The following PIAS1 variants were observed in gnomAD, a reference collection of about 807,000 sequenced individuals.
The protein encoded by PIAS1 is protein inhibitor of activated STAT 1, also known as E3 SUMO-protein ligase PIAS1.
In PIAS1, 6 loss-of-function variants were observed where a neutral mutation model predicts 71.3. That is an observed-to-expected ratio of 0.08 (90% confidence interval 0.05 to 0.17). The LOEUF is 0.17. Among genes scored for constraint, PIAS1 ranks in the 10% least tolerant of loss-of-function variants. The pLI is 1.00. For missense variants in PIAS1, 555 were observed against 793.6 expected (o/e 0.70, Z 3.61); for synonymous variants, 303 against 292.9 (o/e 1.03, Z -0.35).
chr15:68,062,702 T>C (rs903862037), intron 1 of PIAS1, among the ~76,000 whole-genome samples: 4 of 152,236 alleles, frequency 2.6e-5, no homozygotes, highest in Admixed American at 2.6e-4. Context: ...CTGTATAATA[T>C]TTTTAATTTA....
intron 1 of PIAS1, among the ~76,000 whole-genome samples, chr15:68,063,895 C>T (rs564902269): frequency 1.6e-5 from 2 of 128,440 alleles, no homozygotes; most frequent in East Asian, 4.5e-4. Flanking sequence ...TTCTTCATCA[C>T]TGTGCACTTG....
In PIAS1 at chr15:68,119,237, C is replaced by CAAAAAAAAAAAAAAAAAAAAA. The variant is rs60879036; in HGVS notation, c.470-22702_470-22682dup. ...CAACATGGTGAAACCCCATCTCTAC[C>CAAAAAAAAAAAAAAAAAAAAA]AAAAAAAAAAAAAAAAAAAAAAAAA... On this transcript the variant is annotated intron_variant, in intron 2 of 13. Coordinates refer to ENST00000249636, the MANE Select transcript of PIAS1 (RefSeq NM_016166.3). 7.3e-5 allele frequency among the ~76,000 whole-genome samples: 2 copies of CAAAAAAAAAAAAAAAAAAAAA among 27,408 alleles called. 1 individual carries two copies. The highest frequency in any genetic ancestry group is 2.9e-4 in the African/African-American group (2 of 6,904). 18.0% of individuals were successfully genotyped at this position (27,408 alleles called of 152,430 possible).
chr15:68,154,847 G>C (rs958431126), intron 7 of PIAS1, among the ~76,000 whole-genome samples: 4 of 152,172 alleles, frequency 2.6e-5, no homozygotes, highest in African/African-American at 9.7e-5. Context: ...TAAGAAGATG[G>C]TAGGGATCCT....
intron 6 of PIAS1, among the ~76,000 whole-genome samples, chr15:68,148,261 A>G (rs1235486883): frequency 2.6e-5 from 4 of 152,278 alleles, no homozygotes; most frequent in Admixed American, 6.5e-5. Context: ...AACTACCCAC[A>G]CAACAGCCCA....
chr15:68,067,499 GTTTCTC>G (rs2092042045), intron 1 of PIAS1, among the ~76,000 whole-genome samples: 1 of 151,246 alleles, frequency 6.6e-6, no homozygotes, highest in African/African-American at 2.4e-5. Flanking sequence ...CTGTCATTTT[GTTTCTC>G]TTTATGGGGG....
intron 1 of PIAS1, among the ~76,000 whole-genome samples, chr15:68,066,255 C>T (rs746311743): frequency 2.6e-4 from 40 of 151,700 alleles, no homozygotes; most frequent in African/African-American, 8.5e-4. Flanking sequence ...GAGTAGGATG[C>T]GCACCACTGT....
intron 2 of PIAS1, among the ~76,000 whole-genome samples, chr15:68,126,247 CA>C (rs1218630034): frequency 1.3e-5 from 2 of 152,048 alleles, no homozygotes; most frequent in Non-Finnish European, 2.9e-5. Flanking sequence ...CTCCTATTCC[CA>C]GACTAACCCT....
At chr15:68,077,593 C>G (rs1251100950) in intron 1 of PIAS1, among the ~76,000 whole-genome samples, 1 of 152,028 alleles carries the variant, frequency 6.6e-6, no homozygotes, top group Non-Finnish European at 1.5e-5. Flanking sequence ...GGCTGGGGGC[C>G]CAGTCAAGAA....
intron 12 of PIAS1, among the ~76,000 whole-genome samples, chr15:68,183,256 C>T (rs1264220804): frequency 6.6e-6 from 1 of 152,214 alleles, no homozygotes; most frequent in Non-Finnish European, 1.5e-5. Context: ...GAGGGCAAAA[C>T]TAATTACATA....
chr15:68,147,930 T>A (rs1003823896), intron 6 of PIAS1, among the ~76,000 whole-genome samples: 3 of 152,150 alleles, frequency 2.0e-5, no homozygotes, highest in Non-Finnish European at 1.5e-5. Flanking sequence ...TTTCATGATA[T>A]GAACTCATAT....
At position 68,089,393 on chromosome 15, in the gene PIAS1, C is replaced by T. The variant is rs190563269; in HGVS notation, c.469+2643C>T. 7.9e-5 allele frequency among the ~76,000 whole-genome samples: 12 copies of T among 152,232 alleles called. No individual in the cohort carries two copies. The East Asian group carries it at 2.1e-3, about 27-fold the overall frequency. On this transcript the variant is annotated intron_variant, in intron 2 of 13. Coordinates refer to ENST00000249636, the MANE Select transcript of PIAS1 (RefSeq NM_016166.3). ...TTTAATTTATTGTTTACTTTGGCCTCTCATTATCTCAATTCTGTTTGTTTC... is the reference window on the plus strand; with the variant it reads ...TTTAATTTATTGTTTACTTTGGCCTTTCATTATCTCAATTCTGTTTGTTTC...
intron 2 of PIAS1, among the ~76,000 whole-genome samples, chr15:68,090,667 T>A (rs888453535): frequency 2.0e-5 from 3 of 152,134 alleles, no homozygotes; most frequent in Admixed American, 6.6e-5. Context: ...TACCACACTC[T>A]GTAATTACAA....
chr15:68,123,942 A>G (rs1279565564), intron 2 of PIAS1, among the ~76,000 whole-genome samples: 1 of 151,474 alleles, frequency 6.6e-6, no homozygotes, highest in East Asian at 1.9e-4. Flanking sequence ...TGGACATAAT[A>G]TAAACCTAAA....
chr15:68,088,380 AAT>A (rs1473949661), intron 2 of PIAS1, among the ~76,000 whole-genome samples: 1 of 151,700 alleles, frequency 6.6e-6, no homozygotes, highest in African/African-American at 2.4e-5. Flanking sequence ...TATATTCGCA[AAT>A]TCAGTGTTTG....
chr15:68,187,943 G>T lies in PIAS1; in HGVS notation c.*108G>T. The T allele has an allele frequency of 9.6e-7, 1 of 1,041,410 alleles. No individual in the cohort carries two copies. Among genetic ancestry groups the T allele is most frequent in the Admixed American group, 2.9e-5 (1 of 34,640 alleles). The allele number at this position is 1,041,410 out of a possible 1,614,324, so 64.5% of individuals were successfully genotyped here. ...TTACTCTGTTTAGAAAAGTATACAA[G>T]CGTGTTTTTTTTCCTTTTTTTAGGG... On this transcript the variant is annotated 3_prime_UTR_variant, in exon 14 of 14. Transcript: ENST00000249636. The surrounding 1 kb of genome is among the most constrained non-coding windows in gnomAD (Gnocchi z 5.3).
chr15:68,161,493 T>A (rs1164584728), intron 7 of PIAS1, among the ~76,000 whole-genome samples: 1 of 152,008 alleles, frequency 6.6e-6, no homozygotes, highest in Admixed American at 6.5e-5. Context: ...CATAGGTTTT[T>A]TTTTTTTTTT....
At chr15:68,162,684 G>T (rs2092932306) in intron 7 of PIAS1, among the ~76,000 whole-genome samples, 1 of 152,192 alleles carries the variant, frequency 6.6e-6, no homozygotes, top group Admixed American at 6.5e-5. Context: ...GCCTAAGAGG[G>T]GTGAGGAGAA....
chr15:68,164,523 A>G (rs545431969), intron 7 of PIAS1, among the ~76,000 whole-genome samples: 13 of 152,312 alleles, frequency 8.5e-5, no homozygotes, highest in South Asian at 2.1e-4. Context: ...TTTATAGGAA[A>G]CATAGTCATT....
At chr15:68,073,533 C>T (rs555707138) in intron 1 of PIAS1, among the ~76,000 whole-genome samples, 7 of 152,132 alleles carry the variant, frequency 4.6e-5, no homozygotes, top group East Asian at 3.9e-4. Context: ...CACATAAAAG[C>T]GTAAATTTTT....
Sources: gnomAD v4.1 joint callset for allele counts (sites outside exome capture counted in the v4.1 genomes callset) on GRCh38, gnomAD v4.1.1 for gene constraint, Gnocchi (gnomAD v3.1) non-coding constraint, MANE v1.5 for transcripts, NCBI Gene and HGNC (gene_info 2026-07-23, HGNC 2026-07-21) for gene names.